SNTB1: variants seen among roughly 807,000 people sequenced by gnomAD.
SNTB1 encodes the protein beta-1-syntrophin.
In SNTB1, 36 loss-of-function variants were observed where a neutral mutation model predicts 48.9. The observed-to-expected ratio is 0.74, with a 90% CI of 0.56 to 0.97. The LOEUF (loss-of-function observed/expected upper bound fraction) is 0.97, where lower values mean the gene tolerates loss of function less well. Among genes scored for constraint, SNTB1 ranks in the 50% least tolerant of loss-of-function variants. The pLI is 0.00. For missense variants in SNTB1, 786 were observed against 703.4 expected (o/e 1.12, Z -1.33); for synonymous variants, 299 against 294.6 (o/e 1.01, Z -0.15).
chr8:120,591,781 T>C (rs1468864843), intron 3 of SNTB1, among the ~76,000 whole-genome samples: 2 of 152,152 alleles, frequency 1.3e-5, no homozygotes, highest in Non-Finnish European at 2.9e-5. Context: ...TCTCCTCTTT[T>C]CCTCACTGTG....
intron 1 of SNTB1, among the ~76,000 whole-genome samples, chr8:120,709,139 G>T (rs78115250): frequency 0.098 from 14,980 of 152,164 alleles, 730 homozygotes; most frequent in African/African-American, 0.12. Context: ...AGGAAGGCAA[G>T]AAAGTGTAGG....
chr8:120,594,805 G>A (rs1816297067), intron 3 of SNTB1, among the ~76,000 whole-genome samples: 1 of 152,066 alleles, frequency 6.6e-6, no homozygotes, highest in Non-Finnish European at 1.5e-5. Context: ...CAAAAGTAAA[G>A]GCAAAAGAAG....
At chr8:120,715,598 G>A (rs1248527975) in intron 1 of SNTB1, among the ~76,000 whole-genome samples, 3 of 152,204 alleles carry the variant, frequency 2.0e-5, no homozygotes, top group Non-Finnish European at 4.4e-5. Context: ...CAAACAAAGT[G>A]GGTGAAAGGG....
intron 1 of SNTB1, among the ~76,000 whole-genome samples, chr8:120,782,436 T>C (rs1486445455): frequency 6.6e-6 from 1 of 152,152 alleles, no homozygotes; most frequent in African/African-American, 2.4e-5. Context: ...AAAAAAGTTT[T>C]TTAAAAGTTA....
chr8:120,767,484 T>C (rs1412592498), intron 1 of SNTB1, among the ~76,000 whole-genome samples: 1 of 152,212 alleles, frequency 6.6e-6, no homozygotes, highest in East Asian at 1.9e-4. Context: ...GCTTATACAC[T>C]CTTTAGACCT....
intron 1 of SNTB1, among the ~76,000 whole-genome samples, chr8:120,801,024 T>G (rs142571059): frequency 2.0e-5 from 3 of 152,212 alleles, no homozygotes; most frequent in African/African-American, 7.2e-5. Flanking sequence ...CTGGGAAATA[T>G]ATAGTCTAAT....
At chr8:120,625,272 G>T (rs1053654346) in intron 3 of SNTB1, among the ~76,000 whole-genome samples, 1 of 152,168 alleles carries the variant, frequency 6.6e-6, no homozygotes, top group Non-Finnish European at 1.5e-5. Flanking sequence ...GGCACAGGGG[G>T]CTTTCTATCT....
chr8:120,811,940 G>A lies in SNTB1; in HGVS notation c.-97C>T. 2 of 1,276,384 alleles carry A rather than the reference G, an allele frequency of 1.6e-6. No homozygotes were observed. The highest frequency in any genetic ancestry group is 2.0e-6 in the Non-Finnish European group (2 of 1,015,930). 79.1% of individuals were successfully genotyped at this position (1,276,384 alleles called of 1,614,324 possible). On this transcript the variant is annotated 5_prime_UTR_variant, in exon 1 of 7. Transcript: ENST00000517992. The stretch of plus-strand genomic sequence containing the variant: ...GACGCGGGGCCCGGGGGAGCGAGGA[G>A]AGTGCGTCCCGCGGGGAGGTGGCGG...
chr8:120,690,138 T>C (rs560203572), intron 2 of SNTB1, among the ~76,000 whole-genome samples: 18 of 152,332 alleles, frequency 1.2e-4, no homozygotes, highest in African/African-American at 4.3e-4. Flanking sequence ...TTTATTACAG[T>C]ATATTGTTAT....
intron 1 of SNTB1, among the ~76,000 whole-genome samples, chr8:120,786,400 C>T (rs772775455): frequency 6.6e-5 from 10 of 152,288 alleles, no homozygotes; most frequent in East Asian, 3.9e-4. Context: ...TCTAGCCCAA[C>T]GATCAGGCAG....
intron 2 of SNTB1, among the ~76,000 whole-genome samples, chr8:120,634,800 T>A (rs968291916): frequency 6.6e-6 from 1 of 152,102 alleles, no homozygotes; most frequent in African/African-American, 2.4e-5. Flanking sequence ...AGAAGAGAGA[T>A]GATTTGGAAA....
intron 1 of SNTB1, among the ~76,000 whole-genome samples, chr8:120,698,585 C>T (rs1206085303): frequency 1.3e-5 from 2 of 151,728 alleles, no homozygotes; most frequent in African/African-American, 4.8e-5. Flanking sequence ...TGGATTTCTT[C>T]AAGAACCCAT....
intron 3 of SNTB1, among the ~76,000 whole-genome samples, chr8:120,624,240 C>G (rs961100975): frequency 6.6e-6 from 1 of 152,082 alleles, no homozygotes; most frequent in Non-Finnish European, 1.5e-5. Flanking sequence ...ACCTGCCCGA[C>G]TAGGTAATTT....
At chr8:120,726,357 A>G (rs372632322) in intron 1 of SNTB1, among the ~76,000 whole-genome samples, 3 of 152,224 alleles carry the variant, frequency 2.0e-5, no homozygotes, top group African/African-American at 7.2e-5. Flanking sequence ...GATAAGGATT[A>G]AATTTGTTTC....
chr8:120,637,582 G>T, intron 2 of SNTB1: 1 of 200,638 alleles, frequency 5.0e-6, no homozygotes, highest in Non-Finnish European at 1.0e-5. Flanking sequence ...AGTGTTATGT[G>T]CAAAATTCTG....
intron 1 of SNTB1, among the ~76,000 whole-genome samples, chr8:120,756,325 A>T (rs1257919699): frequency 4.6e-5 from 7 of 152,086 alleles, no homozygotes; most frequent in Admixed American, 6.6e-5. Context: ...TAAAATAGCA[A>T]TTTTTTTCAA....
chr8:120,661,657 C>T (rs72682523), intron 2 of SNTB1, among the ~76,000 whole-genome samples: 5,846 of 152,198 alleles, frequency 0.038, 137 homozygotes, highest in African/African-American at 0.057. Context: ...TTCCCCACAA[C>T]GCCCCATAGG....
chr8:120,634,442 A>G (rs1362677781), intron 2 of SNTB1, among the ~76,000 whole-genome samples: 3 of 152,156 alleles, frequency 2.0e-5, no homozygotes, highest in Non-Finnish European at 4.4e-5. Flanking sequence ...AGAGAGAGAG[A>G]GGAAGAAGTA....
intron 2 of SNTB1, among the ~76,000 whole-genome samples, chr8:120,675,822 T>A (rs1817824608): frequency 6.6e-6 from 1 of 152,184 alleles, no homozygotes. Context: ...TCCTTTAAAA[T>A]CTTATTTTGA....
Sources: allele counts gnomAD v4.1 joint callset (sites outside exome capture counted in the v4.1 genomes callset), GRCh38; gene constraint gnomAD v4.1.1; transcripts MANE v1.5; gene names NCBI Gene and HGNC (gene_info 2026-07-23, HGNC 2026-07-21).